Variants in HNRNPLL observed in about 807,000 individuals in gnomAD.
The protein encoded by HNRNPLL is heterogeneous nuclear ribonucleoprotein L-like.
Under a neutral mutation model 67.1 loss-of-function variants are expected in HNRNPLL, and 25 were observed. That is an observed-to-expected ratio of 0.37 (90% confidence interval 0.27 to 0.52). HNRNPLL has a LOEUF of 0.52. Among genes scored for constraint, HNRNPLL ranks in the 20% least tolerant of loss-of-function variants. HNRNPLL has a pLI of 0.90. For synonymous variants in HNRNPLL, 267 were observed against 241.7 expected (o/e 1.10, Z -0.97); for missense variants, 542 against 673.9 (o/e 0.80, Z 2.17).
At position 38,587,613 on chromosome 2, in the gene HNRNPLL, G is replaced by C. The variant is rs543212447; in HGVS notation, c.309-1732C>G. Among the ~76,000 whole-genome samples, 5 of 152,000 alleles carry C rather than the reference G, an allele frequency of 3.3e-5. No individual in the cohort carries two copies. The South Asian group carries it at 1.1e-3, about 33-fold the overall frequency. Reference sequence around the variant, plus strand: ...TGCACATGAAAAATAGAAAATGCTGGTATCAGGTCTATGCTAAAGAAATTC... The same window carrying C: ...TGCACATGAAAAATAGAAAATGCTGCTATCAGGTCTATGCTAAAGAAATTC... On this transcript the variant is annotated intron_variant, in intron 2 of 12. Coordinates refer to ENST00000449105, the MANE Select transcript of HNRNPLL (RefSeq NM_138394.4).
At position 38,568,248 on chromosome 2, in the gene HNRNPLL, A is replaced by C. The variant is rs769722664; in HGVS notation, c.1524T>G (p.Asp508Glu). 4.3e-6 allele frequency: 7 copies of C among 1,613,754 alleles called. No individual in the cohort carries two copies. The South Asian group carries it at 7.7e-5, about 18-fold the overall frequency. The stretch of plus-strand genomic sequence containing the variant: ...TCAGTGCCGTAAGGGCTTCTACTGC[A>C]TCAGTTTTGCACTCCCATTCTAATA... The part of the protein sequence containing the change: ...SGLLEWECKT[D>E]AVEALTALNH... Residue 508 changes from aspartate (D) to glutamate (E), a missense_variant, in exon 12 of 13, where the codon GAT (aspartate) becomes GAG (glutamate). Asp to Glu is a conservative substitution (Grantham distance 45). Coordinates refer to ENST00000449105, the MANE Select transcript of HNRNPLL (RefSeq NM_138394.4).
chr2:38,601,525 G>A (rs1396366279), intron 1 of HNRNPLL: 3 of 152,198 alleles, frequency 2.0e-5, no homozygotes, highest in Non-Finnish European at 4.4e-5. Context: ...GGGCAATAAC[G>A]TTTGCTCCGC....
At chr2:38,589,095 AAAAG>A (rs1666857534) in intron 2 of HNRNPLL, among the ~76,000 whole-genome samples, 1 of 152,228 alleles carries the variant, frequency 6.6e-6, no homozygotes. Context: ...GAGAAGGGGA[AAAAG>A]AAATACAACA....
chr2:38,566,674 C>G (rs568382660), intron 12 of HNRNPLL, among the ~76,000 whole-genome samples: 1 of 151,916 alleles, frequency 6.6e-6, no homozygotes, highest in African/African-American at 2.4e-5. Context: ...AACTGTCCTA[C>G]AAACACACAT....
intron 12 of HNRNPLL, among the ~76,000 whole-genome samples, chr2:38,567,243 C>A (rs1665900065): frequency 6.6e-6 from 1 of 152,140 alleles, no homozygotes; most frequent in African/African-American, 2.4e-5. Flanking sequence ...GCTGAAACTA[C>A]AAGTGTGTGC....
intron 10 of HNRNPLL, 79 bp downstream of exon 10, chr2:38,569,054 C>T (rs1665972970): frequency 1.2e-5 from 12 of 1,010,412 alleles, no homozygotes; most frequent in East Asian, 2.4e-5. Flanking sequence ...ATGAGCAAAA[C>T]GACTTCAAAA....
At chr2:38,576,962 A>C (rs1666322268) in intron 7 of HNRNPLL, among the ~76,000 whole-genome samples, 1 of 151,928 alleles carries the variant, frequency 6.6e-6, no homozygotes, top group Non-Finnish European at 1.5e-5. Context: ...AAAAGCTGAG[A>C]AGTTTTAAAA....
chr2:38,568,214 G>T lies in HNRNPLL; in HGVS notation c.1558C>A (p.Gln520Lys). 6.2e-7 allele frequency: 1 copy of T among 1,607,554 alleles called. No individual in the cohort carries two copies. Among genetic ancestry groups the T allele is most frequent in the South Asian group, 1.1e-5 (1 of 90,818 alleles). Residue 520 changes from glutamine (Q) to lysine (K), a missense_variant, in exon 12 of 13, where the codon CAG becomes AAG. By Grantham distance (53) the Gln-to-Lys change is moderately conservative. Around this residue, in one of 2 missense-constraint regions of HNRNPLL, gnomAD observed 415 missense variants for 575.2 expected, o/e 0.72. Transcript: ENST00000449105. ...VEALTALNHY[Q>K]IRVPNGSNPY... ...TTTTACTTACTCGGCACTCTTATCTGATAGTGATTCAGTGCCGTAAGGGCT... is the reference window on the plus strand; with the variant it reads ...TTTTACTTACTCGGCACTCTTATCTTATAGTGATTCAGTGCCGTAAGGGCT...
intron 12 of HNRNPLL, among the ~76,000 whole-genome samples, chr2:38,565,281 T>A (rs1031802491): frequency 6.6e-6 from 1 of 152,196 alleles, no homozygotes; most frequent in Non-Finnish European, 1.5e-5. Context: ...TGTCCCTATC[T>A]CCAAACAGTT....
chr2:38,595,003 G>A (rs982053748), intron 1 of HNRNPLL, among the ~76,000 whole-genome samples: 2 of 150,602 alleles, frequency 1.3e-5, no homozygotes, highest in Admixed American at 6.6e-5. Context: ...TTAGCCAGGC[G>A]TGGTGGCTCA....
intron 8 of HNRNPLL, among the ~76,000 whole-genome samples, chr2:38,571,729 A>C (rs1666092611): frequency 6.6e-6 from 1 of 152,172 alleles, no homozygotes; most frequent in Non-Finnish European, 1.5e-5. Context: ...GTTAGAAAAA[A>C]TTAACTATAT....
chr2:38,590,138 T>C (rs995456880), intron 2 of HNRNPLL, among the ~76,000 whole-genome samples: 3 of 152,206 alleles, frequency 2.0e-5, no homozygotes, highest in Non-Finnish European at 4.4e-5. Context: ...GATTCTCAAT[T>C]TGTACATCCA....
intron 12 of HNRNPLL, among the ~76,000 whole-genome samples, chr2:38,566,614 C>G (rs1162946152): frequency 6.6e-6 from 1 of 151,610 alleles, no homozygotes; most frequent in Admixed American, 6.6e-5. Flanking sequence ...AAAGTACAAT[C>G]TAGCAACATT....
intron 8 of HNRNPLL, among the ~76,000 whole-genome samples, chr2:38,572,188 G>A (rs567675679): frequency 6.6e-6 from 1 of 151,420 alleles, no homozygotes; most frequent in Non-Finnish European, 1.5e-5. Context: ...TATCCCATAT[G>A]TTATCTCCCA....
At chr2:38,591,311 T>C (rs753738027) in intron 2 of HNRNPLL, among the ~76,000 whole-genome samples, 20 of 152,260 alleles carry the variant, frequency 1.3e-4, no homozygotes, top group Non-Finnish European at 1.6e-4. Flanking sequence ...TGAGAAGTGA[T>C]CATAGCTCCA....
At chr2:38,574,269 C>CA (rs1666211342) in intron 7 of HNRNPLL, among the ~76,000 whole-genome samples, 1 of 151,732 alleles carries the variant, frequency 6.6e-6, no homozygotes, top group Admixed American at 6.6e-5. Flanking sequence ...AACTGACACT[C>CA]AAAGTAGACA....
chr2:38,577,356 G>A (rs1224074592), intron 7 of HNRNPLL, 105 bp downstream of exon 7: 3 of 748,916 alleles, frequency 4.0e-6, no homozygotes, highest in East Asian at 2.5e-5. Context: ...ATAAACCGAG[G>A]CAGATACGCA....
At chr2:38,568,579 T>G (rs1054266221) in intron 10 of HNRNPLL, 136 bp from the exon 11 acceptor site, 1 of 609,048 alleles carries the variant, frequency 1.6e-6, no homozygotes, top group Non-Finnish European at 2.9e-6. Flanking sequence ...TTTTCTACAT[T>G]AATATCAAGC....
At chr2:38,592,229 T>A (rs938573004) in intron 1 of HNRNPLL, among the ~76,000 whole-genome samples, 29 of 152,214 alleles carry the variant, frequency 1.9e-4, no homozygotes, top group Non-Finnish European at 3.4e-4. Context: ...AAAGAAAATT[T>A]AGCAGATACA....
Sources: gnomAD v4.1 joint callset for allele counts (sites outside exome capture counted in the v4.1 genomes callset) on GRCh38, gnomAD v4.1.1 for gene constraint, gnomAD v4.1.1 regional missense constraint, MANE v1.5 for transcripts, NCBI Gene and HGNC (gene_info 2026-07-23, HGNC 2026-07-21) for gene names.